IKZF2: variants seen among roughly 807,000 people sequenced by gnomAD.
The protein encoded by IKZF2 is IKAROS family zinc finger 2, also known as zinc finger protein Helios.
In IKZF2, 15 loss-of-function variants were observed where a neutral mutation model predicts 49.2. The ratio of observed to expected loss-of-function variants is 0.30; its 90% CI spans 0.20 to 0.47. IKZF2 has a LOEUF of 0.47. Among genes scored for constraint, IKZF2 ranks in the 20% least tolerant of loss-of-function variants. IKZF2 has a pLI of 1.00. For missense variants in IKZF2, 567 were observed against 664.6 expected (o/e 0.85, Z 1.61); for synonymous variants, 227 against 221.4 (o/e 1.03, Z -0.23).
At chr2:213,084,112 A>T (rs916132030) in intron 4 of IKZF2, among the ~76,000 whole-genome samples, 5 of 152,126 alleles carry the variant, frequency 3.3e-5, no homozygotes, top group African/African-American at 1.2e-4. Context: ...CCTGCCAATT[A>T]TTCAAGTACA....
intron 1 of IKZF2, among the ~76,000 whole-genome samples, chr2:213,150,629 A>C (rs2061251898): frequency 6.7e-6 from 1 of 150,000 alleles, no homozygotes; most frequent in African/African-American, 2.5e-5. Context: ...CAATGCGATT[A>C]ACAAGAGAAA....
chr2:213,052,483 T>G (rs1700766375), intron 5 of IKZF2, among the ~76,000 whole-genome samples: 1 of 152,060 alleles, frequency 6.6e-6, no homozygotes, highest in African/African-American at 2.4e-5. Flanking sequence ...GATACTAATT[T>G]TATGGCTTTC....
At chr2:213,025,960 G>A (rs781561829) in intron 6 of IKZF2, among the ~76,000 whole-genome samples, 2 of 151,958 alleles carry the variant, frequency 1.3e-5, no homozygotes, top group African/African-American at 2.4e-5. Flanking sequence ...CTTCATTATT[G>A]CTCACCTGGG....
intron 4 of IKZF2, among the ~76,000 whole-genome samples, chr2:213,127,968 A>G (rs2060324663): frequency 6.6e-6 from 1 of 152,162 alleles, no homozygotes; most frequent in South Asian, 2.1e-4. Flanking sequence ...ACTATTAAGT[A>G]TAATATAAAA....
rs1464798256 is a variant in IKZF2, at chr2:213,147,390, T to C, written c.139+318A>G. On this transcript the variant is annotated intron_variant, in intron 4 of 8. Coordinates refer to ENST00000434687, the MANE Select transcript of IKZF2 (RefSeq NM_001387220.1). ...TCCTTTGGAAGTGACGTTTCCACAT[T>C]TTTTACCCAACAACAACAAAAAATC... The C allele has an allele frequency of 5.6e-6, 3 of 536,712 alleles. No homozygotes were observed. The East Asian group carries it at 8.7e-5, about 16-fold the overall frequency. 33.2% of individuals were successfully genotyped at this position (536,712 alleles called of 1,614,324 possible).
chr2:213,063,260 T>C (rs1701869525), intron 4 of IKZF2, among the ~76,000 whole-genome samples: 1 of 151,994 alleles, frequency 6.6e-6, no homozygotes, highest in Non-Finnish European at 1.5e-5. Context: ...AGCTATATTA[T>C]GTATTTCTTA....
intron 4 of IKZF2, among the ~76,000 whole-genome samples, chr2:213,136,370 C>CAAAAA (rs11325415): frequency 6.2e-4 from 33 of 53,610 alleles, no homozygotes; most frequent in African/African-American, 2.0e-3. Context: ...GACACTGTCT[C>CAAAAA]AAAAAAAAAA....
chr2:213,117,136 T>A (rs2059905544), intron 4 of IKZF2, among the ~76,000 whole-genome samples: 1 of 152,066 alleles, frequency 6.6e-6, no homozygotes, highest in Non-Finnish European at 1.5e-5. Context: ...CGAAAGAAAT[T>A]AATTTCACAA....
intron 6 of IKZF2, among the ~76,000 whole-genome samples, chr2:213,037,593 GT>G (rs1699160923): frequency 6.6e-6 from 1 of 152,150 alleles, no homozygotes; most frequent in Admixed American, 6.5e-5. Flanking sequence ...CCTCAAGTGT[GT>G]GTTTTAAGAG....
Position 213,021,994 on chromosome 2 carries a change from A to T in IKZF2, c.711T>A (p.His237Gln). ...MEAAGQVMSH[H>Q]VPPMEDCKEQ... ...ATGATGAATCCAGTTTCTACCCACCATGGTGACTCATGACCTGCCCAGCAG... is the reference window on the plus strand; with the variant it reads ...ATGATGAATCCAGTTTCTACCCACCTTGGTGACTCATGACCTGCCCAGCAG... The change falls in exon 7 of 9, where the codon CAT becomes CAA. Residue 237 changes from histidine to glutamine, a missense_variant and splice_region_variant. By Grantham distance (24) the His-to-Gln change is conservative (BLOSUM62 0). Coordinates refer to ENST00000434687, the MANE Select transcript of IKZF2 (RefSeq NM_001387220.1). The T allele has an allele frequency of 6.2e-7, 1 of 1,607,834 alleles. No homozygotes were observed. The highest frequency in any genetic ancestry group is 8.5e-7 in the Non-Finnish European group (1 of 1,178,082).
At position 212,999,808 on chromosome 2, in the gene IKZF2, T is replaced by C. The variant is rs1694734973; in HGVS notation, c.*7552A>G. The C allele has an allele frequency of 6.6e-6, 1 of 152,378 alleles. No individual in the cohort carries two copies. Among genetic ancestry groups the C allele is most frequent in the East Asian group, 1.9e-4 (1 of 5,178 alleles). 9.4% of individuals were successfully genotyped at this position (152,378 alleles called of 1,614,324 possible). On this transcript the variant is annotated 3_prime_UTR_variant, in exon 9 of 9. Coordinates refer to ENST00000434687, the MANE Select transcript of IKZF2 (RefSeq NM_001387220.1). ...AAATCTTGGACAAATTATATGCTTG[T>C]TCCTGAGATTCCCTAAATTTATTCC...
chr2:213,016,226 G>GTAA, intron 7 of IKZF2, among the ~76,000 whole-genome samples: 2 of 152,224 alleles, frequency 1.3e-5, no homozygotes, highest in East Asian at 1.9e-4. Flanking sequence ...TGAAATAGGT[G>GTAA]TAATACCATC....
At chr2:213,136,387 A>AAAAAAAG (rs2060672831) in intron 4 of IKZF2, among the ~76,000 whole-genome samples, 1 of 99,872 alleles carries the variant, frequency 1.0e-5, no homozygotes, top group African/African-American at 2.9e-5. Flanking sequence ...AAAAAAAAAA[A>AAAAAAAG]AAAAGAAAAA....
At position 213,056,985 on chromosome 2, in the gene IKZF2, A is replaced by G. The variant is rs768074601; in HGVS notation, c.254T>C (p.Ile85Thr). The change falls in exon 5 of 9, where the codon ATT becomes ACT. Residue 85 changes from isoleucine to threonine, a missense_variant. Transcript: ENST00000434687. ...DEGSSLEEPL[I>T]ESSEVADNRK... Reference sequence around the variant, plus strand: ...GTTGTCAGCCACCTCGCTGCTCTCAATTAGGGGTTCTTCTAGGCTGCTACC... The same window carrying G: ...GTTGTCAGCCACCTCGCTGCTCTCAGTTAGGGGTTCTTCTAGGCTGCTACC... The G allele has an allele frequency of 3.8e-5, 62 of 1,613,644 alleles. No homozygotes were observed. In the Middle Eastern group the frequency reaches 4.9e-4, roughly 13 times the overall value.
At chr2:213,062,576 T>G (rs1490970219) in intron 4 of IKZF2, among the ~76,000 whole-genome samples, 1 of 151,864 alleles carries the variant, frequency 6.6e-6, no homozygotes, top group Non-Finnish European at 1.5e-5. Context: ...AATACCATTC[T>G]TACTTACCAA....
intron 6 of IKZF2, among the ~76,000 whole-genome samples, chr2:213,045,418 T>C (rs2125300586): frequency 6.6e-6 from 1 of 152,316 alleles, no homozygotes; most frequent in South Asian, 2.1e-4. Context: ...AGCAGTTTTT[T>C]CCCTTCACAC....
intron 8 of IKZF2, among the ~76,000 whole-genome samples, chr2:213,010,531 C>T (rs1008142564): frequency 1.3e-5 from 2 of 152,104 alleles, no homozygotes; most frequent in African/African-American, 4.8e-5. Context: ...CTAGGGACTA[C>T]ACAGTCCTCT....
At chr2:213,018,820 C>A (rs1175166328) in intron 7 of IKZF2, among the ~76,000 whole-genome samples, 2 of 152,020 alleles carry the variant, frequency 1.3e-5, no homozygotes, top group Non-Finnish European at 2.9e-5. Context: ...TTCTCTGTAT[C>A]CTGCCTGATA....
rs750565620 is a variant in IKZF2 at position 213,008,029 on chromosome 2, T to C, written c.912A>G (p.Thr304=). ...YPDIHFDMNL[T]YEKEAELMQS... ...GCATCAGCTCAGCCTCCTTCTCATA[T>C]GTTAAGTTCATATCAAAGTGAATAT... The change falls in exon 9 of 9, where the codon ACA becomes ACG. Residue 304 remains threonine, a synonymous_variant. Coordinates refer to ENST00000434687, the MANE Select transcript of IKZF2 (RefSeq NM_001387220.1). 5 of 1,613,058 alleles carry C rather than the reference T, an allele frequency of 3.1e-6. No individual in the cohort carries two copies. Among genetic ancestry groups the C allele is most frequent in the Non-Finnish European group, 4.2e-6 (5 of 1,179,552 alleles).
Sources: gnomAD v4.1 joint callset for allele counts (sites outside exome capture counted in the v4.1 genomes callset) on GRCh38, gnomAD v4.1.1 for gene constraint, MANE v1.5 for transcripts, NCBI Gene and HGNC (gene_info 2026-07-23, HGNC 2026-07-21) for gene names.